Variants in CUTC observed in about 807,000 individuals in gnomAD.
The protein encoded by CUTC is cutC copper transporter, also known as copper homeostasis protein cutC homolog.
Under a neutral mutation model 36.2 loss-of-function variants are expected in CUTC, and 27 were observed. The ratio of observed to expected loss-of-function variants is 0.75; its 90% CI spans 0.55 to 1.03. The LOEUF (loss-of-function observed/expected upper bound fraction) is 1.03. CUTC is among the 50% of genes least tolerant of loss of function. The pLI is 0.00. For synonymous variants in CUTC, 114 were observed against 118.3 expected (o/e 0.96, Z 0.24); for missense variants, 315 against 343.5 (o/e 0.92, Z 0.66).
At chr10:99,754,973 A>G (rs1304145328) in intron 8 of CUTC, among the ~76,000 whole-genome samples, 2 of 103,022 alleles carry the variant, frequency 1.9e-5, no homozygotes, top group Non-Finnish European at 3.9e-5. Context: ...GTTAATAACT[A>G]TGGTGTAAGG....
intron 7 of CUTC, among the ~76,000 whole-genome samples, chr10:99,751,303 T>C (rs775576732): frequency 1.3e-5 from 2 of 152,236 alleles, no homozygotes; most frequent in Non-Finnish European, 2.9e-5. Context: ...ATAGCTGATA[T>C]GTTCAAACTA....
intron 2 of CUTC, among the ~76,000 whole-genome samples, chr10:99,739,430 A>C (rs1344136769): frequency 6.6e-6 from 1 of 152,200 alleles, no homozygotes; most frequent in African/African-American, 2.4e-5. Flanking sequence ...TCTTTATTCT[A>C]TGTTACTTTC....
At chr10:99,748,959 G>T (rs1474106197) in intron 6 of CUTC, among the ~76,000 whole-genome samples, 1 of 152,202 alleles carries the variant, frequency 6.6e-6, no homozygotes, top group Non-Finnish European at 1.5e-5. Context: ...TCATGGTGCA[G>T]CGGGGAGGCC....
intron 5 of CUTC, 101 bp downstream of exon 5, chr10:99,744,173 A>G: frequency 1.1e-6 from 1 of 902,798 alleles, no homozygotes. Context: ...GTAGTGTTCC[A>G]AGGTTACCAA....
chr10:99,750,765 T>C (rs1590122329), intron 7 of CUTC, among the ~76,000 whole-genome samples: 1 of 152,184 alleles, frequency 6.6e-6, no homozygotes, highest in Non-Finnish European at 1.5e-5. Context: ...AGGACAAATG[T>C]CCTAATAAAC....
chr10:99,747,219 T>A, intron 5 of CUTC, 38 bp from the exon 6 acceptor site: 1 of 1,610,418 alleles, frequency 6.2e-7, no homozygotes, highest in Non-Finnish European at 8.5e-7. Context: ...GCGTTAGAGA[T>A]ACCTGTTCAA....
At chr10:99,747,551 C>G in intron 6 of CUTC, 161 bp downstream of exon 6, 1 of 737,674 alleles carries the variant, frequency 1.4e-6, no homozygotes, top group Non-Finnish European at 2.1e-6. Context: ...TTCTTTCACA[C>G]AAGCCTTTTT....
At chr10:99,733,428 C>CAA (rs199840648) in intron 1 of CUTC, among the ~76,000 whole-genome samples, 2 of 151,754 alleles carry the variant, frequency 1.3e-5, no homozygotes, top group Non-Finnish European at 2.9e-5. Flanking sequence ...TAAACAACAA[C>CAA]AACAAAAAAA....
At chr10:99,747,119 A>G (rs1249152256) in intron 5 of CUTC, 138 bp from the exon 6 acceptor site, 6 of 920,190 alleles carry the variant, frequency 6.5e-6, no homozygotes, top group Admixed American at 2.6e-5. Context: ...GACTTGCAGA[A>G]TTCTTGAGTG....
At chr10:99,741,952 T>A (rs1188542295) in intron 3 of CUTC, among the ~76,000 whole-genome samples, 1 of 152,204 alleles carries the variant, frequency 6.6e-6, no homozygotes, top group African/African-American at 2.4e-5. Context: ...GTCCTCCCTG[T>A]ACTGTCTCCT....
chr10:99,751,212 A>G (rs895003099), intron 7 of CUTC, among the ~76,000 whole-genome samples: 1 of 152,204 alleles, frequency 6.6e-6, no homozygotes, highest in African/African-American at 2.4e-5. Context: ...GGATGTTACC[A>G]TAATGACAAT....
intron 6 of CUTC, among the ~76,000 whole-genome samples, chr10:99,749,304 A>AGGTTG (rs2037400364): frequency 2.0e-5 from 3 of 152,094 alleles, no homozygotes; most frequent in Admixed American, 2.0e-4. Flanking sequence ...GCCATCCTAA[A>AGGTTG]CCTCAGCTTT....
chr10:99,742,410 T>G (rs1313634089), intron 3 of CUTC, among the ~76,000 whole-genome samples: 1 of 152,184 alleles, frequency 6.6e-6, no homozygotes, highest in East Asian at 1.9e-4. Context: ...TCCTGGCCAT[T>G]CTAAAATCCC....
chr10:99,755,732 TG>T lies in CUTC; in HGVS notation c.817del (p.Val273CysfsTer14). On this transcript the variant is annotated frameshift_variant, in exon 9 of 9. Transcript: ENST00000370476. LOFTEE classifies it high-confidence loss of function. ...RTLNAIAKNI[L>X]V ...TTGAATGCTATCGCAAAGAACATCC[TG>T]GTGTAGCCAGACCTCTCTGAGAGAC... is the stretch of plus-strand genomic sequence containing the variant. The T allele has an allele frequency of 6.2e-7, 1 of 1,604,120 alleles. No individual in the cohort carries two copies.
chr10:99,740,481 T>C, intron 3 of CUTC, among the ~76,000 whole-genome samples: 1 of 152,118 alleles, frequency 6.6e-6, no homozygotes, highest in East Asian at 1.9e-4. Flanking sequence ...CTTGCTTGTA[T>C]TGTTTCTGAC....
rs1169885177 is a variant in CUTC at position 99,739,750 on chromosome 10, G to T, written c.174G>T (p.Gly58=). 3 of 1,610,904 alleles carry T rather than the reference G, an allele frequency of 1.9e-6. No homozygotes were observed. In the African/African-American group the frequency reaches 4.0e-5, roughly 22 times the overall value. The change falls in exon 3 of 9, where the codon GGG becomes GGT. Residue 58 remains glycine (G), a synonymous_variant. Coordinates refer to ENST00000370476, the MANE Select transcript of CUTC (RefSeq NM_015960.3). ...RIELCSGLSE[G]GTTPSMGVLQ... ...AATTATGTTCTGGTTTATCAGAGGGGGGAACTACACCCAGCATGGGTAAGT... is the reference window on the plus strand; with the variant it reads ...AATTATGTTCTGGTTTATCAGAGGGTGGAACTACACCCAGCATGGGTAAGT...
rs2037209971 is a variant in CUTC at position 99,732,400 on chromosome 10, G to C, written c.52G>C (p.Gly18Arg). 1.9e-6 allele frequency: 3 copies of C among 1,551,724 alleles called. No individual in the cohort carries two copies. The highest frequency in any genetic ancestry group is 2.0e-5 in the Admixed American group (1 of 51,088). The change falls in exon 1 of 9, where the codon GGG becomes CGG. Residue 18 changes from glycine to arginine, a missense_variant. Transcript: ENST00000370476. ...SERKRARIPS[G>R]KAGAANGFLM... ...GCGAAAACGAGCGCGGATACCGTCC[G>C]GGAAGGCCGGTGCGGAAGGTGGCGG... is the stretch of plus-strand genomic sequence containing the variant.
chr10:99,750,800 A>G (rs1278575995), intron 7 of CUTC, among the ~76,000 whole-genome samples: 1 of 152,202 alleles, frequency 6.6e-6, no homozygotes, highest in Non-Finnish European at 1.5e-5. Flanking sequence ...GGTTTAGGCA[A>G]CATCCTTGGG....
rs2037354436 is a variant in CUTC, at chr10:99,743,374, T to C, written c.403+12T>C. ...TATGTCCCTTATGGGTAAGAATTTG[T>C]ATCTAAGACGTAAAAGCCTCTAATG... On this transcript the variant is annotated intron_variant, in intron 4 of 8. Coordinates refer to ENST00000370476, the MANE Select transcript of CUTC (RefSeq NM_015960.3). The C allele has an allele frequency of 6.2e-7, 1 of 1,605,674 alleles. No individual in the cohort carries two copies. Among genetic ancestry groups the C allele is most frequent in the Non-Finnish European group, 8.5e-7 (1 of 1,172,348 alleles).
Sources: gnomAD v4.1 joint callset for allele counts (sites outside exome capture counted in the v4.1 genomes callset) on GRCh38, gnomAD v4.1.1 for gene constraint, MANE v1.5 for transcripts, NCBI Gene and HGNC (gene_info 2026-07-23, HGNC 2026-07-21) for gene names.